The following MAML2 variants were observed in gnomAD, a reference collection of about 807,000 sequenced individuals.
MAML2 encodes mastermind like transcriptional coactivator 2, also known as mastermind-like protein 2.
MAML2 carries 22 observed loss-of-function variants against 96.1 expected under a neutral mutation model. The observed-to-expected ratio is 0.23, with a 90% CI of 0.16 to 0.33. The LOEUF is 0.33. Among genes scored for constraint, MAML2 ranks in the 10% least tolerant of loss-of-function variants. MAML2 has a pLI of 1.00. For synonymous variants in MAML2, 561 were observed against 521.3 expected (o/e 1.08, Z -1.04); for missense variants, 1,367 against 1,392.4 (o/e 0.98, Z 0.29).
At chr11:96,134,789 G>A (rs1860600942) in intron 1 of MAML2, among the ~76,000 whole-genome samples, 1 of 152,216 alleles carries the variant, frequency 6.6e-6, no homozygotes, top group African/African-American at 2.4e-5. Context: ...ACCATGGAAA[G>A]TCATAAATAC....
intron 3 of MAML2, among the ~76,000 whole-genome samples, 169 bp downstream of exon 3, chr11:95,991,350 GT>G (rs5793764): frequency 0.73 from 111,404 of 151,724 alleles, 41,970 homozygotes; most frequent in African/African-American, 0.91. Context: ...TCAAGTTTGG[GT>G]TTTTTTTTCT....
intron 1 of MAML2, among the ~76,000 whole-genome samples, chr11:96,258,430 A>G (rs139368158): frequency 3.5e-4 from 54 of 152,360 alleles, no homozygotes; most frequent in African/African-American, 1.3e-3. Flanking sequence ...AGCTTGAAGA[A>G]GCTTACATGT....
At position 96,055,358 on chromosome 11, in the gene MAML2, T is replaced by G. The variant is rs75571804; in HGVS notation, c.2139+36534A>C. 6.2e-3 allele frequency among the ~76,000 whole-genome samples: 951 copies of G among 152,210 alleles called. 12 individuals are homozygous for G. Among genetic ancestry groups the G allele is most frequent in the African/African-American group, 0.022 (896 of 41,518 alleles). On this transcript the variant is annotated intron_variant, in intron 2 of 4. Coordinates refer to ENST00000524717, the MANE Select transcript of MAML2 (RefSeq NM_032427.4). ...ATTGCTTTCAGCACTACACAAGAGC[T>G]TAGTATTAATGGCAGATTTAGACAA...
intron 1 of MAML2, among the ~76,000 whole-genome samples, chr11:96,133,303 T>A (rs1453754700): frequency 6.6e-6 from 1 of 152,218 alleles, no homozygotes; most frequent in African/African-American, 2.4e-5. Flanking sequence ...TGAATGCCAT[T>A]TGGGAGAATG....
intron 1 of MAML2, among the ~76,000 whole-genome samples, chr11:96,136,722 G>A (rs2135861594): frequency 6.6e-6 from 1 of 152,174 alleles, no homozygotes; most frequent in Middle Eastern, 3.4e-3. Flanking sequence ...CAATAATAAA[G>A]AAATTTCAAA....
chr11:96,324,379 A>G (rs1055134254), intron 1 of MAML2, among the ~76,000 whole-genome samples: 1 of 152,226 alleles, frequency 6.6e-6, no homozygotes, highest in Non-Finnish European at 1.5e-5. Flanking sequence ...CGCTTAATAC[A>G]TGTTATTTTT....
chr11:96,130,093 G>A (rs934781537), intron 1 of MAML2, among the ~76,000 whole-genome samples: 1 of 152,192 alleles, frequency 6.6e-6, no homozygotes, highest in Admixed American at 6.5e-5. Flanking sequence ...CACAGCTATG[G>A]AGATATAAGC....
chr11:96,130,103 C>T (rs1054384910), intron 1 of MAML2, among the ~76,000 whole-genome samples: 8 of 152,102 alleles, frequency 5.3e-5, no homozygotes, highest in Admixed American at 3.9e-4. Flanking sequence ...GAGATATAAG[C>T]CTGTGGAATA....
chr11:96,135,880 T>A (rs900230734), intron 1 of MAML2, among the ~76,000 whole-genome samples: 14 of 150,232 alleles, frequency 9.3e-5, no homozygotes, highest in Non-Finnish European at 1.9e-4. Context: ...AAAAAAAAAA[T>A]TATATTGAAA....
chr11:96,340,425 C>A (rs79465632), intron 1 of MAML2, among the ~76,000 whole-genome samples: 9,730 of 152,260 alleles, frequency 0.064, 519 homozygotes, highest in East Asian at 0.3. Context: ...GGCCACTGGT[C>A]CAGCAGCTTT....
At chr11:96,239,285 C>A (rs2135959496) in intron 1 of MAML2, among the ~76,000 whole-genome samples, 1 of 152,320 alleles carries the variant, frequency 6.6e-6, no homozygotes, top group Admixed American at 6.5e-5. Context: ...ACTGAGGTGG[C>A]TTTTCTTTCC....
At chr11:96,169,431 G>C (rs1861245873) in intron 1 of MAML2, among the ~76,000 whole-genome samples, 2 of 152,190 alleles carry the variant, frequency 1.3e-5, no homozygotes. Flanking sequence ...CCCAGGCCCT[G>C]GGGATGGGCA....
At chr11:96,122,905 G>A (rs1162000751) in intron 1 of MAML2, among the ~76,000 whole-genome samples, 1 of 152,240 alleles carries the variant, frequency 6.6e-6, no homozygotes, top group Non-Finnish European at 1.5e-5. Flanking sequence ...TGGAACAGCA[G>A]GTCTAATACC....
intron 2 of MAML2, among the ~76,000 whole-genome samples, chr11:96,047,184 A>C (rs576774797): frequency 6.6e-6 from 1 of 152,206 alleles, no homozygotes; most frequent in Non-Finnish European, 1.5e-5. Flanking sequence ...TGCTTCCCCT[A>C]GTGCCTGGCA....
intron 2 of MAML2, among the ~76,000 whole-genome samples, chr11:96,007,516 C>T (rs1320608699): frequency 2.6e-5 from 4 of 152,054 alleles, no homozygotes; most frequent in African/African-American, 7.2e-5. Flanking sequence ...TATCTGCTAA[C>T]GAATATATCA....
intron 1 of MAML2, among the ~76,000 whole-genome samples, chr11:96,155,117 C>G (rs1310278556): frequency 6.6e-6 from 1 of 152,138 alleles, no homozygotes; most frequent in African/African-American, 2.4e-5. Flanking sequence ...TAATTGGGGA[C>G]TTCACTTGCC....
At chr11:96,098,499 C>T (rs1209138009) in intron 1 of MAML2, among the ~76,000 whole-genome samples, 1 of 152,212 alleles carries the variant, frequency 6.6e-6, no homozygotes, top group African/African-American at 2.4e-5. Flanking sequence ...TTTAATATCA[C>T]CCTTTCACTG....
intron 2 of MAML2, among the ~76,000 whole-genome samples, chr11:96,078,047 G>A (rs1373146031): frequency 1.3e-5 from 2 of 152,080 alleles, no homozygotes; most frequent in Admixed American, 1.3e-4. Context: ...TTCTATGAGA[G>A]TGCAGCTGAA....
chr11:96,252,430 T>TC (rs200930479), intron 1 of MAML2, among the ~76,000 whole-genome samples: 4,760 of 149,356 alleles, frequency 0.032, 101 homozygotes, highest in South Asian at 0.064. Context: ...TAACTCTTTT[T>TC]TTTTTTTTTT....
Sources: gnomAD v4.1 joint callset for allele counts (sites outside exome capture counted in the v4.1 genomes callset) on GRCh38, gnomAD v4.1.1 for gene constraint, MANE v1.5 for transcripts, NCBI Gene and HGNC (gene_info 2026-07-23, HGNC 2026-07-21) for gene names.